Variants in SHISA5 observed in about 807,000 individuals in gnomAD.
The protein encoded by SHISA5 is shisa family member 5.
In SHISA5, 21 loss-of-function variants were observed where a neutral mutation model predicts 27.5. The ratio of observed to expected loss-of-function variants is 0.76; its 90% CI spans 0.54 to 1.10. SHISA5 has a LOEUF of 1.10. SHISA5 is among the 50% of genes least tolerant of loss of function. The probability of loss-of-function intolerance (pLI) is 0.00; values close to 1 mark genes in which losing one functional copy is unlikely to be tolerated. For synonymous variants in SHISA5, 137 were observed against 142.2 expected, an observed-to-expected ratio of 0.96 and a Z score of 0.26; for missense variants, 314 against 336.3, an observed-to-expected ratio of 0.93 and a Z score of 0.52.
rs1323098445 is a variant in SHISA5, at chr3:48,468,830, C to T, written c.*277G>A. On this transcript the variant is annotated 3_prime_UTR_variant, in exon 6 of 6. Coordinates refer to ENST00000296444, the MANE Select transcript of SHISA5 (RefSeq NM_016479.6). ...ACCTCACAGGGTGCCCCCCACCACC[C>T]CATTCTTTGAGTTTGGCTTGAGATT... 3 of 1,485,248 alleles carry T rather than the reference C, an allele frequency of 2.0e-6. No individual in the cohort carries two copies. Among genetic ancestry groups the T allele is most frequent in the East Asian group, 2.8e-5 (1 of 36,266 alleles). 92.0% of individuals were successfully genotyped at this position (1,485,248 alleles called of 1,614,324 possible).
chr3:48,491,439 GTA>G (rs1486382757), intron 2 of SHISA5, among the ~76,000 whole-genome samples: 2 of 152,012 alleles, frequency 1.3e-5, no homozygotes, highest in Non-Finnish European at 2.9e-5. Flanking sequence ...TTTCTTTAAT[GTA>G]TTTGATTGAT....
At position 48,504,009 on chromosome 3, in the gene SHISA5, C is replaced by T. The variant is rs1438658438; in HGVS notation, c.76+10G>A. 3.4e-6 allele frequency: 5 copies of T among 1,465,744 alleles called. No homozygotes were observed. Among genetic ancestry groups the T allele is most frequent in the South Asian group, 1.3e-5 (1 of 76,258 alleles). The allele number at this position is 1,465,744 out of a possible 1,614,324, so 90.8% of individuals were successfully genotyped here. Reference sequence around the variant, plus strand: ...CAGGGCAGGACGGGCCGCCCCCACCCCCGGCTCACCACCCGGAGGCGGCGT... The same window carrying T: ...CAGGGCAGGACGGGCCGCCCCCACCTCCGGCTCACCACCCGGAGGCGGCGT... On this transcript the variant is annotated intron_variant, in intron 1 of 5. Coordinates refer to ENST00000296444, the MANE Select transcript of SHISA5 (RefSeq NM_016479.6). The surrounding 1 kb of genome is among the most constrained non-coding windows in gnomAD (Gnocchi z 4.0).
chr3:48,468,456 GAGT>G lies in SHISA5; in HGVS notation c.*648_*650del, dbSNP rs764084346. 25 of 1,172,974 alleles carry G rather than the reference GAGT, an allele frequency of 2.1e-5. No individual in the cohort carries two copies. Among genetic ancestry groups the G allele is most frequent in the Non-Finnish European group, 2.4e-5 (22 of 936,146 alleles). The allele number at this position is 1,172,974 out of a possible 1,614,324, so 72.7% of individuals were successfully genotyped here. A position where few individuals can be genotyped will look rare whatever the true frequency, so the allele number is the denominator to read the frequency against. ...ACAGTCCAGGCAGACAGGTACAGCT[GAGT>G]AGGGCTCTGCCTGAGGTGTTCTGGC... On this transcript the variant is annotated 3_prime_UTR_variant, in exon 6 of 6. Coordinates refer to ENST00000296444, the MANE Select transcript of SHISA5 (RefSeq NM_016479.6).
intron 2 of SHISA5, among the ~76,000 whole-genome samples, chr3:48,479,870 C>T (rs1202114878): frequency 6.6e-6 from 1 of 151,084 alleles, no homozygotes; most frequent in Non-Finnish European, 1.5e-5. Flanking sequence ...GGATTACAGG[C>T]GTTAGCCACC....
Position 48,469,668 on chromosome 3 carries a change from C to G in SHISA5, c.430+60G>C. 1 of 1,606,288 alleles carries G rather than the reference C, an allele frequency of 6.2e-7. No individual in the cohort carries two copies. Among genetic ancestry groups the G allele is most frequent in the Non-Finnish European group, 8.5e-7 (1 of 1,176,050 alleles). On this transcript the variant is annotated intron_variant, in intron 4 of 5. Coordinates refer to ENST00000296444, the MANE Select transcript of SHISA5 (RefSeq NM_016479.6). This position sits in a 1 kb window ranked among gnomAD's most constrained non-coding sequence, Gnocchi z 4.6. The stretch of plus-strand genomic sequence containing the variant: ...TCCCTCCAGCTTAGCCAAAGCAGGG[C>G]CTGGTCAGCTTCCCTTACCACCCCA...
In SHISA5 at chr3:48,469,423, T is replaced by C. The variant is rs748435807; in HGVS notation, c.581A>G (p.Gln194Arg). 3 of 1,612,368 alleles carry C rather than the reference T, an allele frequency of 1.9e-6. No homozygotes were observed. Among genetic ancestry groups the C allele is most frequent in the South Asian group, 1.1e-5 (1 of 90,804 alleles). The part of the protein sequence containing the change: ...PGMPAAPYPM[Q>R]YPPPYPAQPM... ...CTGGGCTGGGTAAGGTGGTGGGTAC[T>C]GCATTGGGTAGGGTGCTGCTGGCAT... The change falls in exon 5 of 6, where the codon CAG becomes CGG. Residue 194 changes from glutamine (Q) to arginine (R), a missense_variant. Gln to Arg is a conservative substitution (Grantham distance 43, BLOSUM62 1). Transcript: ENST00000296444. The surrounding 1 kb of genome is among the most constrained non-coding windows in gnomAD (Gnocchi z 4.6).
At chr3:48,499,196 C>T (rs1239047318) in intron 2 of SHISA5, among the ~76,000 whole-genome samples, 2 of 151,622 alleles carry the variant, frequency 1.3e-5, no homozygotes, top group Admixed American at 1.3e-4. Context: ...ATTTTTGAGT[C>T]GAGGTCTCAC....
At chr3:48,488,952 C>T (rs962213109) in intron 2 of SHISA5, among the ~76,000 whole-genome samples, 2 of 151,940 alleles carry the variant, frequency 1.3e-5, no homozygotes, top group Non-Finnish European at 2.9e-5. Context: ...AGAGAGTAGT[C>T]CAAAAACTGC....
Position 48,468,395 on chromosome 3 carries a change from C to T in SHISA5, c.*712G>A. The T allele has an allele frequency of 9.1e-7, 1 of 1,097,814 alleles. No individual in the cohort carries two copies. Among genetic ancestry groups the T allele is most frequent in the Non-Finnish European group, 1.1e-6 (1 of 895,270 alleles). The allele number at this position is 1,097,814 out of a possible 1,614,324, so 68.0% of individuals were successfully genotyped here. ...AGCTAGGCTGTGTGTGCATGTGGCC[C>T]TCCAGCTGGTCCCAGGGGAGATGCG... On this transcript the variant is annotated 3_prime_UTR_variant, in exon 6 of 6. Coordinates refer to ENST00000296444, the MANE Select transcript of SHISA5 (RefSeq NM_016479.6).
chr3:48,494,261 C>T (rs1247937773), intron 2 of SHISA5, among the ~76,000 whole-genome samples: 3 of 145,582 alleles, frequency 2.1e-5, no homozygotes, highest in Admixed American at 6.7e-5. Context: ...TCTCCAGGTA[C>T]ATCCATGTCA....
At chr3:48,476,523 G>T (rs2040833001) in intron 3 of SHISA5, among the ~76,000 whole-genome samples, 1 of 152,154 alleles carries the variant, frequency 6.6e-6, no homozygotes, top group Non-Finnish European at 1.5e-5. Flanking sequence ...GACAGCAGGG[G>T]CCAGGCCCTC....
At position 48,468,065 on chromosome 3, in the gene SHISA5, G is replaced by C. The variant is rs1280109096; in HGVS notation, c.*1042C>G. On this transcript the variant is annotated 3_prime_UTR_variant, in exon 6 of 6. Coordinates refer to ENST00000296444, the MANE Select transcript of SHISA5 (RefSeq NM_016479.6). Reference sequence around the variant, plus strand: ...TGGTCCAGATGGCCCATTGGCCCAGGTGTCCCTGCTGCCAGAACACCGTGG... The same window carrying C: ...TGGTCCAGATGGCCCATTGGCCCAGCTGTCCCTGCTGCCAGAACACCGTGG... 3 of 848,000 alleles carry C rather than the reference G, an allele frequency of 3.5e-6. No homozygotes were observed. The South Asian group carries it at 1.4e-4, about 39-fold the overall frequency. 52.5% of individuals were successfully genotyped at this position (848,000 alleles called of 1,614,324 possible).
At chr3:48,499,736 C>T (rs1445995397) in intron 2 of SHISA5, among the ~76,000 whole-genome samples, 3 of 142,838 alleles carry the variant, frequency 2.1e-5, no homozygotes, top group South Asian at 2.4e-4. Flanking sequence ...TGGTGGTGCA[C>T]GCCTATAATC....
In SHISA5 at chr3:48,469,176, G is replaced by T. The variant is rs771121366; in HGVS notation, c.654C>A (p.Ala218=). Residue 218 remains alanine, a synonymous_variant, in exon 6 of 6, where the codon GCC becomes GCA. Coordinates refer to ENST00000296444, the MANE Select transcript of SHISA5 (RefSeq NM_016479.6). This position sits in a 1 kb window ranked among gnomAD's most constrained non-coding sequence, Gnocchi z 4.6. ...AYHETLAGGA[A]APYPASQPPY... The stretch of plus-strand genomic sequence containing the variant: ...GAGGCTGGCTGGCGGGGTAGGGCGC[G>T]GCTGCTCCTCCTGAAAGCAGAGAGG... 4 of 1,612,154 alleles carry T rather than the reference G, an allele frequency of 2.5e-6. No individual in the cohort carries two copies. In the African/African-American group the frequency reaches 5.3e-5, roughly 22 times the overall value.
Position 48,504,111 on chromosome 3 carries a change from G to T in SHISA5, c.-17C>A, listed in dbSNP as rs111510779. 1.6e-6 allele frequency: 2 copies of T among 1,255,832 alleles called. No individual in the cohort carries two copies. The highest frequency in any genetic ancestry group is 2.0e-6 in the Non-Finnish European group (2 of 976,442). 77.8% of individuals were successfully genotyped at this position (1,255,832 alleles called of 1,614,324 possible). A position where few individuals can be genotyped will look rare whatever the true frequency, so the allele number is the denominator to read the frequency against. On this transcript the variant is annotated 5_prime_UTR_variant, in exon 1 of 6. Coordinates refer to ENST00000296444, the MANE Select transcript of SHISA5 (RefSeq NM_016479.6). The surrounding 1 kb of genome is among the most constrained non-coding windows in gnomAD (Gnocchi z 4.0). The stretch of plus-strand genomic sequence containing the variant: ...CGCAGTCATGGCTGGGCGGGCGGAC[G>T]GGCGGACGGACGCGAGCGCCGGGCG...
chr3:48,477,431 C>T (rs971109137), intron 3 of SHISA5, among the ~76,000 whole-genome samples: 5 of 151,938 alleles, frequency 3.3e-5, no homozygotes, highest in African/African-American at 9.7e-5. Context: ...AACACGGGGT[C>T]GCCCAGGCTG....
intron 2 of SHISA5, among the ~76,000 whole-genome samples, chr3:48,486,550 A>G (rs1399640419): frequency 8.1e-6 from 1 of 122,876 alleles, no homozygotes; most frequent in African/African-American, 3.1e-5. Context: ...TATATATTAT[A>G]TATTATATAG....
intron 2 of SHISA5, among the ~76,000 whole-genome samples, chr3:48,480,885 A>G (rs1489425592): frequency 6.6e-6 from 1 of 152,178 alleles, no homozygotes; most frequent in East Asian, 1.9e-4. Context: ...AACTGAGGTC[A>G]GGAGTTCGAG....
chr3:48,483,761 G>GGCTGGCCGGGCA (rs2041106582), intron 2 of SHISA5, among the ~76,000 whole-genome samples: 9 of 134,816 alleles, frequency 6.7e-5, no homozygotes, highest in South Asian at 6.6e-4. Flanking sequence ...CTGGCCGGGC[G>GGCTGGCCGGGCA]GGGGGCTGAC....
Sources: allele counts gnomAD v4.1 joint callset (sites outside exome capture counted in the v4.1 genomes callset), GRCh38; gene constraint gnomAD v4.1.1; non-coding constraint Gnocchi (gnomAD v3.1); transcripts MANE v1.5; gene names NCBI Gene and HGNC (gene_info 2026-07-23, HGNC 2026-07-21).